The following SORCS2 variants were observed in gnomAD, a reference collection of about 807,000 sequenced individuals.
SORCS2 encodes the protein sortilin related VPS10 domain containing receptor 2, also known as VPS10 domain-containing receptor SorCS2.
A neutral mutation model predicts 141.6 loss-of-function variants in SORCS2; 100 were observed. The ratio of observed to expected loss-of-function variants is 0.71; its 90% CI spans 0.60 to 0.83. The LOEUF (loss-of-function observed/expected upper bound fraction) is 0.83, where lower values mean the gene tolerates loss of function less well. SORCS2 is among the 40% of genes least tolerant of loss of function. SORCS2 has a pLI of 0.00. For synonymous variants in SORCS2, 789 were observed against 676.9 expected (o/e 1.17, Z -2.57); for missense variants, 1,646 against 1,560.2 (o/e 1.05, Z -0.93).
At chr4:7,313,500 CGGA>C (rs1305552876) in intron 1 of SORCS2, among the ~76,000 whole-genome samples, 2 of 152,004 alleles carry the variant, frequency 1.3e-5, no homozygotes, top group Non-Finnish European at 2.9e-5. Context: ...GTCACTGGAG[CGGA>C]GGTCGGGGAG....
In SORCS2 at chr4:7,215,185, TC is replaced by T. The variant is rs779488235; in HGVS notation, c.480+22061del. 1.7e-4 allele frequency among the ~76,000 whole-genome samples: 26 copies of T among 152,176 alleles called. No homozygotes were observed. In the South Asian group the frequency reaches 5.4e-3, roughly 32 times the overall value. On this transcript the variant is annotated intron_variant, in intron 1 of 26. Transcript: ENST00000507866. ...GCGGCGCTTGCGGGCCAGCTGGAGT[TC>T]CGGGTGGGCGTGGGCTTGGAGGGCC...
At position 7,511,439 on chromosome 4, in the gene SORCS2, G is replaced by GACACACAC. The variant is rs138336126; in HGVS notation, c.549-20079_549-20072dup. 1.9e-3 allele frequency among the ~76,000 whole-genome samples: 248 copies of GACACACAC among 128,844 alleles called. 1 individual carries two copies. Among genetic ancestry groups the GACACACAC allele is most frequent in the East Asian group, 9.3e-3 (39 of 4,200 alleles). 84.5% of individuals were successfully genotyped at this position (128,844 alleles called of 152,430 possible). On this transcript the variant is annotated intron_variant, in intron 2 of 26. Transcript: ENST00000507866. ...AGGGAGAGAGGGGCGGGGTTGGGGAGACACACACACACACACACAGATACA... is the reference window on the plus strand; with the variant it reads ...AGGGAGAGAGGGGCGGGGTTGGGGAGACACACACACACACACACACACACACAGATACA...
At chr4:7,450,142 G>T (rs373813309) in intron 2 of SORCS2, among the ~76,000 whole-genome samples, 6 of 152,194 alleles carry the variant, frequency 3.9e-5, no homozygotes, top group East Asian at 1.9e-4. Flanking sequence ...CTTCAGGCAG[G>T]CAGCCCCCAG....
In SORCS2 at chr4:7,496,836, A is replaced by T. The variant is rs9647415; in HGVS notation, c.549-34694A>T. ...CAAGAAAGTGGTGAGCGGCTGGGGA[A>T]GGCACAGGGCTCCGGGCACAACTCA... On this transcript the variant is annotated intron_variant, in intron 2 of 26. Coordinates refer to ENST00000507866, the MANE Select transcript of SORCS2 (RefSeq NM_020777.3). Among the ~76,000 whole-genome samples the T allele has an allele frequency of 8.5e-3, 1,290 of 152,188 alleles. 12 individuals carry two copies. The highest frequency in any genetic ancestry group is 0.031 in the Middle Eastern group (9 of 294).
At position 7,654,216 on chromosome 4, in the gene SORCS2, A is replaced by G; in HGVS notation, c.887+9A>G. Reference sequence around the variant, plus strand: ...AAAGACCACGTGTTCTGGTGAGAGCACTTCCCCACCCCAAACCCATGGGGC... The same window carrying G: ...AAAGACCACGTGTTCTGGTGAGAGCGCTTCCCCACCCCAAACCCATGGGGC... On this transcript the variant is annotated intron_variant, in intron 5 of 26. Coordinates refer to ENST00000507866, the MANE Select transcript of SORCS2 (RefSeq NM_020777.3). 1 of 1,568,564 alleles carries G rather than the reference A, an allele frequency of 6.4e-7. No individual in the cohort carries two copies. The highest frequency in any genetic ancestry group is 1.2e-5 in the South Asian group (1 of 85,326).
intron 14 of SORCS2, among the ~76,000 whole-genome samples, chr4:7,704,857 T>C (rs4689829): frequency 0.88 from 133,854 of 152,176 alleles, 59,037 homozygotes; most frequent in East Asian, 1. Flanking sequence ...TTCCTCTGGG[T>C]GCCCTCGAAC....
At chr4:7,224,864 G>C (rs1728909571) in intron 1 of SORCS2, among the ~76,000 whole-genome samples, 1 of 152,234 alleles carries the variant, frequency 6.6e-6, no homozygotes, top group African/African-American at 2.4e-5. Flanking sequence ...AACGGACCTG[G>C]AGGACCCTGA....
intron 3 of SORCS2, among the ~76,000 whole-genome samples, chr4:7,544,035 C>G (rs1397456743): frequency 7.9e-6 from 1 of 126,084 alleles, no homozygotes; most frequent in African/African-American, 3.0e-5. Flanking sequence ...CATCCAGCCA[C>G]CCACCCATCC....
At chr4:7,567,446 T>TTTTTTTTTTTTTTTTTTTTG (rs1247195255) in intron 3 of SORCS2, among the ~76,000 whole-genome samples, 1 of 151,784 alleles carries the variant, frequency 6.6e-6, no homozygotes, top group African/African-American at 2.4e-5. Flanking sequence ...AGGTGTTTTT[T>TTTTTTTTTTTTTTTTTTTTG]AAAGAATGTT....
intron 15 of SORCS2, 126 bp downstream of exon 15, chr4:7,712,979 G>T (rs1725929013): frequency 7.2e-7 from 1 of 1,380,000 alleles, no homozygotes; most frequent in Non-Finnish European, 9.7e-7. Flanking sequence ...AAGTCTTCAG[G>T]GAATCCCCAG....
At chr4:7,660,689 C>T (rs999153060) in intron 5 of SORCS2, among the ~76,000 whole-genome samples, 13 of 152,186 alleles carry the variant, frequency 8.5e-5, no homozygotes, top group African/African-American at 7.2e-5. Flanking sequence ...GTCACAGACC[C>T]GTTCTGTCCC....
chr4:7,435,104 C>G (rs928924215), intron 2 of SORCS2: 2 of 565,190 alleles, frequency 3.5e-6, no homozygotes, highest in Non-Finnish European at 6.1e-6. Flanking sequence ...ATAAGATAAA[C>G]TCTTAGCAGT....
chr4:7,625,951 C>T (rs111570005), intron 3 of SORCS2, among the ~76,000 whole-genome samples: 1,791 of 152,080 alleles, frequency 0.012, 13 homozygotes, highest in Middle Eastern at 0.017. Flanking sequence ...CCAGCCTGGG[C>T]AATGTAGGGA....
chr4:7,619,287 A>G (rs1431290580), intron 3 of SORCS2, among the ~76,000 whole-genome samples: 3 of 152,296 alleles, frequency 2.0e-5, no homozygotes, highest in African/African-American at 7.2e-5. Context: ...GTCTGGGAAG[A>G]TCCAACATTG....
At chr4:7,607,359 G>A (rs1207285405) in intron 3 of SORCS2, among the ~76,000 whole-genome samples, 1 of 152,178 alleles carries the variant, frequency 6.6e-6, no homozygotes, top group Non-Finnish European at 1.5e-5. Flanking sequence ...TCCTGGGGAG[G>A]TGGAGAGGGT....
At chr4:7,733,162 C>G (rs1484214762) in intron 23 of SORCS2, among the ~76,000 whole-genome samples, 160 bp from the exon 24 acceptor site, 1 of 148,516 alleles carries the variant, frequency 6.7e-6, no homozygotes. Flanking sequence ...CCCTCTCCCC[C>G]ACCCCCCATG....
intron 2 of SORCS2, among the ~76,000 whole-genome samples, chr4:7,504,815 T>A (rs1732179502): frequency 6.6e-6 from 1 of 152,188 alleles, no homozygotes; most frequent in South Asian, 2.1e-4. Flanking sequence ...CTGCCACAAT[T>A]TAGTGCCTTC....
intron 2 of SORCS2, among the ~76,000 whole-genome samples, chr4:7,510,722 C>T (rs1180603838): frequency 6.6e-6 from 1 of 152,286 alleles, no homozygotes; most frequent in Non-Finnish European, 1.5e-5. Flanking sequence ...GAAATGCGAC[C>T]CCGGGGCCTG....
At chr4:7,481,685 C>T (rs1165581843) in intron 2 of SORCS2, among the ~76,000 whole-genome samples, 1 of 152,030 alleles carries the variant, frequency 6.6e-6, no homozygotes, top group Non-Finnish European at 1.5e-5. Context: ...GGAAGGGTCT[C>T]CTGAGCCTCG....
Sources: gnomAD v4.1 joint callset for allele counts (sites outside exome capture counted in the v4.1 genomes callset) on GRCh38, gnomAD v4.1.1 for gene constraint, MANE v1.5 for transcripts, NCBI Gene and HGNC (gene_info 2026-07-23, HGNC 2026-07-21) for gene names.